ZNF311: variants seen among roughly 807,000 people sequenced by gnomAD.
ZNF311 encodes the protein zinc finger protein 311.
Under a neutral mutation model 22.7 loss-of-function variants are expected in ZNF311, and 14 were observed. The observed-to-expected ratio is 0.62, with a 90% CI of 0.41 to 0.96. ZNF311 has a LOEUF of 0.96. ZNF311 is among the 40% of genes least tolerant of loss of function. ZNF311 has a pLI of 0.00. For missense variants in ZNF311, 731 were observed against 799.0 expected, an observed-to-expected ratio of 0.91 and a Z score of 1.03; for synonymous variants, 250 against 275.3, an observed-to-expected ratio of 0.91 and a Z score of 0.91.
In ZNF311 at chr6:28,999,344, C is replaced by G. The variant is rs189576351; in HGVS notation, c.310+143G>C. On this transcript the variant is annotated intron_variant, in intron 5 of 6. Coordinates refer to ENST00000377179, the MANE Select transcript of ZNF311 (RefSeq NM_001382360.1). ...ATCTTGCTATGTAATAGAGGCAACT[C>G]AAAACTCTTAATTTTTGGGCAAGAT... 3.5e-6 allele frequency: 3 copies of G among 846,280 alleles called. No individual in the cohort carries two copies. In the Admixed American group the frequency reaches 1.2e-4, roughly 33 times the overall value. 52.4% of individuals were successfully genotyped at this position (846,280 alleles called of 1,614,324 possible). A position where few individuals can be genotyped will look rare whatever the true frequency, so the allele number is the denominator to read the frequency against.
chr6:28,998,662 C>T, intron 6 of ZNF311, 72 bp downstream of exon 6: 1 of 1,086,042 alleles, frequency 9.2e-7, no homozygotes, highest in South Asian at 1.5e-5. Context: ...GATGATCCAC[C>T]ACTGAGAATG....
Position 28,996,550 on chromosome 6 carries a change from G to A in ZNF311, c.452C>T (p.Ala151Val). The A allele has an allele frequency of 6.2e-7, 1 of 1,602,086 alleles. No homozygotes were observed. The highest frequency in any genetic ancestry group is 1.3e-5 in the African/African-American group (1 of 74,642). The change falls in exon 7 of 7, where the codon GCA (alanine) becomes GTA (valine). Residue 151 changes from alanine (A) to valine (V), a missense_variant. Transcript: ENST00000377179. ...ADKMWPENEK[A>V]SSQQEIFENG... ...TTCAAAAATCTCTTGTTGTGAACTT[G>A]CCTTTTCATTCTCAGGCCACATCTT...
At chr6:29,000,603 A>G (rs1490354584) in intron 3 of ZNF311, among the ~76,000 whole-genome samples, 1 of 152,096 alleles carries the variant, frequency 6.6e-6, no homozygotes, top group African/African-American at 2.4e-5. Flanking sequence ...TTCCTCTTAG[A>G]GAAGAATCAT....
At chr6:28,999,887 G>A in intron 4 of ZNF311, 69 bp downstream of exon 4, 2 of 1,512,838 alleles carry the variant, frequency 1.3e-6, no homozygotes, top group Non-Finnish European at 1.8e-6. Flanking sequence ...AGAGAACGCA[G>A]TGAAAACAAG....
At position 29,003,935 on chromosome 6, in the gene ZNF311, C is replaced by T; in HGVS notation, c.9+11G>A. On this transcript the variant is annotated intron_variant, in intron 2 of 6. Coordinates refer to ENST00000377179, the MANE Select transcript of ZNF311 (RefSeq NM_001382360.1). ...CTCCTTGTGATGTATCACAGACCCT[C>T]CTCTTCTTACCTCCTGCATCTTTTT... 1.2e-6 allele frequency: 2 copies of T among 1,612,884 alleles called. No homozygotes were observed. Among genetic ancestry groups the T allele is most frequent in the Non-Finnish European group, 1.7e-6 (2 of 1,179,880 alleles).
chr6:29,004,862 TC>T (rs1305936874), intron 1 of ZNF311, 145 bp downstream of exon 1: 5 of 152,252 alleles, frequency 3.3e-5, no homozygotes, highest in Non-Finnish European at 7.3e-5. Flanking sequence ...CATTGGCTGC[TC>T]CCTTCACCTT....
intron 6 of ZNF311, 45 bp downstream of exon 6, chr6:28,998,689 C>G (rs1272560166): frequency 7.4e-7 from 1 of 1,350,342 alleles, no homozygotes; most frequent in Admixed American, 1.8e-5. Flanking sequence ...AACCATTATG[C>G]CACATGGAAG....
Position 28,995,249 on chromosome 6 carries a change from A to G in ZNF311, c.1753T>C (p.Cys585Arg). The change falls in exon 7 of 7, where the codon TGC becomes CGC. Residue 585 changes from cysteine to arginine, a missense_variant. By Grantham distance (180) the Cys-to-Arg change is radical. Transcript: ENST00000377179. The surrounding 1 kb of genome is among the most constrained non-coding windows in gnomAD (Gnocchi z 4.7). ...RIHTGEKPYT[C>R]SECGTSFRQG... ...CGGAAGGACGTGCCACACTCACTGCAGGTGTATGGCTTCTCACCAGTGTGG... is the reference window on the plus strand; with the variant it reads ...CGGAAGGACGTGCCACACTCACTGCGGGTGTATGGCTTCTCACCAGTGTGG... 1 of 1,614,080 alleles carries G rather than the reference A, an allele frequency of 6.2e-7. No homozygotes were observed. Among genetic ancestry groups the G allele is most frequent in the Non-Finnish European group, 8.5e-7 (1 of 1,180,046 alleles).
Position 29,004,026 on chromosome 6 carries a change from T to G in ZNF311, c.-72A>C. 6.2e-7 allele frequency: 1 copy of G among 1,612,922 alleles called. No individual in the cohort carries two copies. Among genetic ancestry groups the G allele is most frequent in the Non-Finnish European group, 8.5e-7 (1 of 1,179,922 alleles). ...TCTTCCTACTGGTCAGATCCAGTTC[T>G]CAAACAAGCTGTGAAGTGGCTCCAG... is the stretch of plus-strand genomic sequence containing the variant. On this transcript the variant is annotated 5_prime_UTR_variant, in exon 2 of 7. It removes the in-frame stop codon of an upstream open reading frame in the 5' UTR. Transcript: ENST00000377179.
Position 29,004,078 on chromosome 6 carries a change from C to A in ZNF311, c.-124G>T. 6.2e-7 allele frequency: 1 copy of A among 1,604,220 alleles called. No homozygotes were observed. Among genetic ancestry groups the A allele is most frequent in the South Asian group, 1.1e-5 (1 of 89,870 alleles). On this transcript the variant is annotated 5_prime_UTR_variant, in exon 2 of 7. It removes an upstream start codon present in the reference 5' UTR. Coordinates refer to ENST00000377179, the MANE Select transcript of ZNF311 (RefSeq NM_001382360.1). ...TGATGCCAGCCTCCTTTGGAGAACA[C>A]ATGTTTTGGTGGTGCCAGCCAAAGG...
In ZNF311 at chr6:29,003,528, G is replaced by A; in HGVS notation, c.76C>T (p.Leu26Phe). Residue 26 changes from leucine to phenylalanine, a missense_variant, in exon 3 of 7, where the codon CTC becomes TTC. By Grantham distance (22) the Leu-to-Phe change is conservative (BLOSUM62 0). Coordinates refer to ENST00000377179, the MANE Select transcript of ZNF311 (RefSeq NM_001382360.1). Reference protein sequence around the residue: ...QLLWTRQDTQLPQESALLPAP... With the variant: ...QLLWTRQDTQFPQESALLPAP... ...TGTATCTCACCGCTTTCCTGAGGGA[G>A]CTGGGTATCCTGGCGGGTCCAAAGC... 2.5e-6 allele frequency: 4 copies of A among 1,613,062 alleles called. No individual in the cohort carries two copies. Among genetic ancestry groups the A allele is most frequent in the South Asian group, 1.1e-5 (1 of 91,082 alleles).
chr6:28,996,890 T>C (rs1271229624), intron 6 of ZNF311, among the ~76,000 whole-genome samples: 1 of 152,224 alleles, frequency 6.6e-6, no homozygotes, highest in African/African-American at 2.4e-5. Flanking sequence ...CTGTCTCCCT[T>C]GTATTTACCC....
chr6:28,999,644 A>G, intron 4 of ZNF311, 31 bp from the exon 5 acceptor site: 1 of 1,599,406 alleles, frequency 6.3e-7, no homozygotes, highest in Non-Finnish European at 8.5e-7. Context: ...TATCCTGGAG[A>G]AAACGCCATA....
In ZNF311 at chr6:28,996,051, A is replaced by G. The variant is rs1261807600; in HGVS notation, c.951T>C (p.Ala317=). The G allele has an allele frequency of 6.2e-7, 1 of 1,613,258 alleles. No individual in the cohort carries two copies. Among genetic ancestry groups the G allele is most frequent in the Admixed American group, 1.7e-5 (1 of 60,014 alleles). Residue 317 remains alanine (A), a synonymous_variant, in exon 7 of 7, where the codon GCT becomes GCC. Transcript: ENST00000377179. ...TGTGGGTTTTTTTATGTCGGCAAAG[A>G]GCTGATCTACTGTTGAAAGCCTTCC... ...QCGKAFNSRS[A]LCRHKKTHSG... is the part of the protein sequence containing the mutation.
intron 3 of ZNF311, among the ~76,000 whole-genome samples, chr6:29,000,848 C>G (rs1268532180): frequency 6.6e-6 from 1 of 151,906 alleles, no homozygotes; most frequent in Non-Finnish European, 1.5e-5. Flanking sequence ...GTGATCTTGC[C>G]TCACTGCAAG....
chr6:29,001,145 T>G (rs528157277), intron 3 of ZNF311, among the ~76,000 whole-genome samples: 2 of 152,318 alleles, frequency 1.3e-5, no homozygotes, highest in African/African-American at 2.4e-5. Context: ...AATCTTTCTG[T>G]AGCTTCAATG....
At chr6:29,002,561 T>C (rs1041354419) in intron 3 of ZNF311, among the ~76,000 whole-genome samples, 1 of 152,112 alleles carries the variant, frequency 6.6e-6, no homozygotes, top group African/African-American at 2.4e-5. Flanking sequence ...CTTTCTGGGT[T>C]TGATTTTATG....
At position 28,996,054 on chromosome 6, in the gene ZNF311, T is replaced by C; in HGVS notation, c.948A>G (p.Ser316=). ...TQCGKAFNSR[S]ALCRHKKTHS... Reference sequence around the variant, plus strand: ...GGGTTTTTTTATGTCGGCAAAGAGCTGATCTACTGTTGAAAGCCTTCCCAC... The same window carrying C: ...GGGTTTTTTTATGTCGGCAAAGAGCCGATCTACTGTTGAAAGCCTTCCCAC... The change falls in exon 7 of 7, where the codon TCA becomes TCG. Residue 316 remains serine, a synonymous_variant. Transcript: ENST00000377179. 6.2e-7 allele frequency: 1 copy of C among 1,613,382 alleles called. No individual in the cohort carries two copies. Among genetic ancestry groups the C allele is most frequent in the Non-Finnish European group, 8.5e-7 (1 of 1,180,020 alleles).
intron 4 of ZNF311, 164 bp from the exon 5 acceptor site, chr6:28,999,777 A>G: frequency 7.9e-7 from 1 of 1,262,894 alleles, no homozygotes; most frequent in Non-Finnish European, 1.1e-6. Flanking sequence ...GGGTTTTGAT[A>G]GCAAAAAATA....
Sources: allele counts gnomAD v4.1 joint callset (sites outside exome capture counted in the v4.1 genomes callset), GRCh38; gene constraint gnomAD v4.1.1; non-coding constraint Gnocchi (gnomAD v3.1); transcripts MANE v1.5; gene names NCBI Gene and HGNC (gene_info 2026-07-23, HGNC 2026-07-21).